Variants in PTPRT observed in about 807,000 individuals in gnomAD.
PTPRT encodes protein tyrosine phosphatase receptor type T.
In PTPRT, 56 loss-of-function variants were observed where a neutral mutation model predicts 176.8. The observed-to-expected ratio is 0.32, with a 90% CI of 0.26 to 0.40. The LOEUF (loss-of-function observed/expected upper bound fraction) is 0.40, where lower values mean the gene tolerates loss of function less well. Ranked by LOEUF, PTPRT falls within the 10% of genes least tolerant of loss-of-function variation. The pLI is 1.00. For synonymous variants in PTPRT, 783 were observed against 739.0 expected, an observed-to-expected ratio of 1.06 and a Z score of -0.96; for missense variants, 1,540 against 1,908.2, an observed-to-expected ratio of 0.81 and a Z score of 3.60.
chr20:42,908,750 A>G (rs2079509922), intron 1 of PTPRT, among the ~76,000 whole-genome samples: 1 of 152,212 alleles, frequency 6.6e-6, no homozygotes, highest in Admixed American at 6.5e-5. Context: ...ATTTCAGGGT[A>G]TTATAAGTGT....
At position 42,500,354 on chromosome 20, in the gene PTPRT, T is replaced by C. The variant is rs2071730646; in HGVS notation, c.1154-27792A>G. Among the ~76,000 whole-genome samples the C allele has an allele frequency of 2.0e-5, 3 of 152,006 alleles. No individual in the cohort carries two copies. In the South Asian group the frequency reaches 6.2e-4, roughly 31 times the overall value. Reference sequence around the variant, plus strand: ...CCCATCAGCAAGGTAAATGCTATTTTAATATTTTTGAATTAAATTTTATAA... The same window carrying C: ...CCCATCAGCAAGGTAAATGCTATTTCAATATTTTTGAATTAAATTTTATAA... On this transcript the variant is annotated intron_variant, in intron 7 of 30. Transcript: ENST00000373187.
chr20:42,770,976 TAA>T (rs1441478265), intron 5 of PTPRT, among the ~76,000 whole-genome samples: 1 of 152,186 alleles, frequency 6.6e-6, no homozygotes, highest in African/African-American at 2.4e-5. Flanking sequence ...AGAAGTACTT[TAA>T]AAATCTCCCT....
At chr20:42,758,063 A>G (rs543826536) in intron 5 of PTPRT, among the ~76,000 whole-genome samples, 1 of 152,330 alleles carries the variant, frequency 6.6e-6, no homozygotes, top group South Asian at 2.1e-4. Context: ...CCCCTTATCC[A>G]GGTTTTCCAA....
intron 9 of PTPRT, among the ~76,000 whole-genome samples, chr20:42,371,521 A>G (rs912678427): frequency 1.3e-5 from 2 of 152,234 alleles, no homozygotes; most frequent in Non-Finnish European, 2.9e-5. Context: ...CCACTCAGAC[A>G]AGACTCTAAG....
the PTPRT span, among the ~76,000 whole-genome samples, chr20:42,041,267 G>A: frequency 6.6e-6 from 1 of 152,242 alleles, no homozygotes; most frequent in South Asian, 2.1e-4. Context: ...GCTTGGTCTT[G>A]TTCATAACAA....
chr20:42,125,437 ACC>A (rs1221304519), intron 19 of PTPRT, among the ~76,000 whole-genome samples: 1 of 152,182 alleles, frequency 6.6e-6, no homozygotes, highest in African/African-American at 2.4e-5. Flanking sequence ...CTGGATTCTA[ACC>A]ACTGAGATTG....
chr20:42,970,993 C>T (rs1226749174), intron 1 of PTPRT: 1 of 152,180 alleles, frequency 6.6e-6, no homozygotes, highest in African/African-American at 2.4e-5. Context: ...ATTCTAACAC[C>T]AAACACCAGG....
chr20:42,871,086 G>A lies in PTPRT; in HGVS notation c.214+14721C>T, dbSNP rs146151263. 4.1e-3 allele frequency among the ~76,000 whole-genome samples: 628 copies of A among 151,832 alleles called. 6 individuals are homozygous for A. The highest frequency in any genetic ancestry group is 0.014 in the African/African-American group (592 of 41,390). ...CTGCCTCAGCCTCGTGAGTAGCTGG[G>A]ATTACAGACACACGCCACCATGCCT... On this transcript the variant is annotated intron_variant, in intron 2 of 30. Transcript: ENST00000373187.
At position 42,664,010 on chromosome 20, in the gene PTPRT, T is replaced by C. The variant is rs564079171; in HGVS notation, c.1153+13856A>G. ...AGCAAATTGTCCTCTTAACATGCTG[T>C]ACCAGTTAACTTACCTGCAGAAATG... On this transcript the variant is annotated intron_variant, in intron 7 of 30. Transcript: ENST00000373187. Among the ~76,000 whole-genome samples the C allele has an allele frequency of 3.9e-4, 60 of 152,348 alleles. 1 individual carries two copies. The highest frequency in any genetic ancestry group is 1.4e-3 in the African/African-American group (57 of 41,594).
chr20:42,515,355 T>G (rs2072041387), intron 7 of PTPRT, among the ~76,000 whole-genome samples: 2 of 152,060 alleles, frequency 1.3e-5, no homozygotes, highest in Admixed American at 1.3e-4. Flanking sequence ...TGGTGGCATG[T>G]GCCCGTAATC....
intron 13 of PTPRT, among the ~76,000 whole-genome samples, chr20:42,258,501 C>A (rs1205358027): frequency 1.3e-5 from 2 of 152,128 alleles, no homozygotes; most frequent in African/African-American, 4.8e-5. Context: ...ATTTAGCAAA[C>A]AAACCATCCC....
chr20:43,064,937 C>A (rs1022207994), intron 1 of PTPRT, among the ~76,000 whole-genome samples: 1 of 152,226 alleles, frequency 6.6e-6, no homozygotes, highest in African/African-American at 2.4e-5. Context: ...ATTACCCTGA[C>A]CCCTCCTGTC....
At chr20:43,081,608 T>C (rs1041778794) in intron 1 of PTPRT, among the ~76,000 whole-genome samples, 6 of 152,200 alleles carry the variant, frequency 3.9e-5, no homozygotes, top group African/African-American at 1.2e-4. Context: ...CCCCCTTTTA[T>C]TGATTTTTAC....
At chr20:42,373,866 C>A (rs1300058834) in intron 9 of PTPRT, among the ~76,000 whole-genome samples, 2 of 152,186 alleles carry the variant, frequency 1.3e-5, no homozygotes, top group African/African-American at 4.8e-5. Context: ...CCAGTAAGAC[C>A]TGCATCAGGA....
At chr20:42,845,525 C>A (rs1009573342) in intron 2 of PTPRT, among the ~76,000 whole-genome samples, 1 of 152,148 alleles carries the variant, frequency 6.6e-6, no homozygotes, top group African/African-American at 2.4e-5. Flanking sequence ...TCTACGAATG[C>A]TCCAGAGAGT....
At position 42,075,511 on chromosome 20, in the gene PTPRT, A is replaced by T. The variant is rs1982686329; in HGVS notation, c.*5368T>A. ...TGCTGATGACCTGTTTACCCAGCCC[A>T]GGAGTGGCAAGCTGCAGCCTAAGGA... On this transcript the variant is annotated 3_prime_UTR_variant, in exon 31 of 31. Coordinates refer to ENST00000373187, the MANE Select transcript of PTPRT (RefSeq NM_007050.6). The T allele has an allele frequency of 9.3e-6, 2 of 214,230 alleles. No homozygotes were observed. Among genetic ancestry groups the T allele is most frequent in the Non-Finnish European group, 1.9e-5 (2 of 106,216 alleles). The allele number at this position is 214,230 out of a possible 1,614,324, so 13.3% of individuals were successfully genotyped here.
At chr20:42,184,518 C>CCTCCTCCTTCTT (rs1555797922) in intron 16 of PTPRT, among the ~76,000 whole-genome samples, 5 of 54,398 alleles carry the variant, frequency 9.2e-5, no homozygotes, top group Admixed American at 1.9e-4. Context: ...TCCTCCTCCT[C>CCTCCTCCTTCTT]CTTCTTCTTC....
At chr20:42,602,058 AC>A (rs1367326898) in intron 7 of PTPRT, among the ~76,000 whole-genome samples, 88 of 152,320 alleles carry the variant, frequency 5.8e-4, no homozygotes, top group African/African-American at 2.0e-3. Flanking sequence ...ATGCCTTGTT[AC>A]CGGCTCTGCT....
At chr20:42,405,837 C>T (rs982500561) in intron 9 of PTPRT, among the ~76,000 whole-genome samples, 4 of 152,170 alleles carry the variant, frequency 2.6e-5, no homozygotes, top group African/African-American at 9.7e-5. Flanking sequence ...TATTTCTCCA[C>T]ATCCTCTCCA....
Sources: allele counts gnomAD v4.1 joint callset (sites outside exome capture counted in the v4.1 genomes callset), GRCh38; gene constraint gnomAD v4.1.1; transcripts MANE v1.5; gene names NCBI Gene and HGNC (gene_info 2026-07-23, HGNC 2026-07-21).